FBXW4: variants seen among roughly 807,000 people sequenced by gnomAD.
FBXW4 encodes the protein F-box and WD repeat domain containing 4.
Under a neutral mutation model 61.8 loss-of-function variants are expected in FBXW4, and 40 were observed. That is an observed-to-expected ratio of 0.65 (90% CI 0.50 to 0.84). The LOEUF is 0.84. Among genes scored for constraint, FBXW4 ranks in the 40% least tolerant of loss-of-function variants. The pLI, the probability that FBXW4 is intolerant of heterozygous loss-of-function variation, is 0.00. For synonymous variants in FBXW4, 311 were observed against 313.8 expected, an observed-to-expected ratio of 0.99 and a Z score of 0.10; for missense variants, 672 against 753.8, an observed-to-expected ratio of 0.89 and a Z score of 1.27.
intron 1 of FBXW4, among the ~76,000 whole-genome samples, chr10:101,689,695 G>A (rs1382408935): frequency 6.6e-6 from 1 of 152,158 alleles, no homozygotes; most frequent in African/African-American, 2.4e-5. Context: ...TTCAGGGTTA[G>A]GAAACTGGTT....
intron 5 of FBXW4, among the ~76,000 whole-genome samples, chr10:101,638,278 G>A (rs1376466581): frequency 6.6e-6 from 1 of 152,188 alleles, no homozygotes; most frequent in Non-Finnish European, 1.5e-5. Context: ...CAGTCAAAAA[G>A]AACATGGTAG....
chr10:101,611,044 C>T lies in FBXW4; in HGVS notation c.*247G>A, dbSNP rs137888238. On this transcript the variant is annotated 3_prime_UTR_variant, in exon 9 of 9. Transcript: ENST00000331272. The surrounding 1 kb of genome is among the most constrained non-coding windows in gnomAD (Gnocchi z 4.9). Reference sequence around the variant, plus strand: ...TCTGGCCAAACAGGGACGCAAGGCCCGGGTTCAGCCGCACTCTAAAGCAGC... The same window carrying T: ...TCTGGCCAAACAGGGACGCAAGGCCTGGGTTCAGCCGCACTCTAAAGCAGC... The T allele has an allele frequency of 2.1e-4, 87 of 420,106 alleles. No homozygotes were observed. The highest frequency in any genetic ancestry group is 3.4e-4 in the Non-Finnish European group (79 of 232,562). The allele number at this position is 420,106 out of a possible 1,614,324, so 26.0% of individuals were successfully genotyped here.
rs774279870 is a variant in FBXW4, at chr10:101,612,350, G to A, written c.1429C>T (p.Arg477Cys). Residue 477 changes from arginine to cysteine, a missense_variant, in exon 7 of 9, where the codon CGC (arginine) becomes TGC (cysteine). Physicochemically the swap from Arg to Cys is radical, Grantham distance 180 (BLOSUM62 -3). Coordinates refer to ENST00000331272, the MANE Select transcript of FBXW4 (RefSeq NM_022039.4). ...CAGCACACTCACCGGACGCTGGTGC[G>A]GAGGTCCCAGTAGCGAACATAGGTG... ...YDTYVRYWDL[R>C]TSVRKCVMEW... 2.1e-5 allele frequency: 33 copies of A among 1,574,660 alleles called. No homozygotes were observed. The East Asian group carries it at 3.0e-4, about 15-fold the overall frequency.
chr10:101,615,960 CA>C (rs1040669880), intron 6 of FBXW4, among the ~76,000 whole-genome samples: 4 of 152,214 alleles, frequency 2.6e-5, no homozygotes, highest in African/African-American at 9.6e-5. Flanking sequence ...CTCCACCTCC[CA>C]ACCCACAGCT....
chr10:101,654,430 G>A (rs1394050340), intron 5 of FBXW4, among the ~76,000 whole-genome samples: 2 of 152,058 alleles, frequency 1.3e-5, no homozygotes, highest in Non-Finnish European at 2.9e-5. Context: ...GAAAGTAAAT[G>A]TAGGTCTATA....
intron 5 of FBXW4, among the ~76,000 whole-genome samples, chr10:101,651,637 C>T (rs1261379016): frequency 1.3e-5 from 2 of 152,072 alleles, no homozygotes; most frequent in Non-Finnish European, 2.9e-5. Context: ...GGGCTCCCAT[C>T]GGGGGTTGCT....
At chr10:101,686,938 T>G (rs998583442) in intron 1 of FBXW4, among the ~76,000 whole-genome samples, 1 of 152,124 alleles carries the variant, frequency 6.6e-6, no homozygotes, top group Admixed American at 6.5e-5. Flanking sequence ...TTGATTCAAC[T>G]TTTTGATGTA....
At chr10:101,638,449 A>G (rs2064022890) in intron 5 of FBXW4, among the ~76,000 whole-genome samples, 1 of 152,030 alleles carries the variant, frequency 6.6e-6, no homozygotes, top group Admixed American at 6.6e-5. Context: ...TATTTGCTTC[A>G]AATGAAAAGA....
At chr10:101,672,304 T>A (rs1327032843) in intron 4 of FBXW4, among the ~76,000 whole-genome samples, 1 of 152,186 alleles carries the variant, frequency 6.6e-6, no homozygotes, top group African/African-American at 2.4e-5. Context: ...GGAAGCCTAT[T>A]TGATCCAGAT....
chr10:101,690,440 A>G (rs909051065), intron 1 of FBXW4, among the ~76,000 whole-genome samples: 1 of 152,120 alleles, frequency 6.6e-6, no homozygotes, highest in African/African-American at 2.4e-5. Context: ...CAGATGACTG[A>G]CTCCAACTAT....
At chr10:101,613,316 A>G (rs1277133471) in intron 6 of FBXW4, among the ~76,000 whole-genome samples, 1 of 152,220 alleles carries the variant, frequency 6.6e-6, no homozygotes, top group Non-Finnish European at 1.5e-5. Context: ...CTCAACATCA[A>G]GTGCACCCGC....
rs768227529 is a variant in FBXW4, at chr10:101,694,596, A to AGCC, written c.507_509dup (p.Ala170dup). The AGCC allele has an allele frequency of 8.3e-5, 121 of 1,450,192 alleles. 1 individual carries two copies. The East Asian group carries it at 3.2e-3, about 38-fold the overall frequency. 89.8% of individuals were successfully genotyped at this position (1,450,192 alleles called of 1,614,324 possible). A position where few individuals can be genotyped will look rare whatever the true frequency, so the allele number is the denominator to read the frequency against. ...CGGCCGGGCGGGCAGCCGACTCCCG[A>AGCC]GCCGCCTCCTCCTCCTCCTCCTCCT... On this transcript the variant is annotated inframe_insertion, in exon 1 of 9. Coordinates refer to ENST00000331272, the MANE Select transcript of FBXW4 (RefSeq NM_022039.4). The surrounding 1 kb of genome is among the most constrained non-coding windows in gnomAD (Gnocchi z 6.0).
In FBXW4 at chr10:101,694,339, GC is replaced by G; in HGVS notation, c.725+41del. The G allele has an allele frequency of 1.5e-6, 2 of 1,342,320 alleles. No individual in the cohort carries two copies. The highest frequency in any genetic ancestry group is 2.8e-4 in the Middle Eastern group (1 of 3,598). 83.2% of individuals were successfully genotyped at this position (1,342,320 alleles called of 1,614,324 possible). A position where few individuals can be genotyped will look rare whatever the true frequency, so the allele number is the denominator to read the frequency against. ...GCCCCGCCCTTTCCCGGGACGCGGG[GC>G]CGGCTCGGGGCGGGGAGCGGGCGGG... is the stretch of plus-strand genomic sequence containing the variant. On this transcript the variant is annotated intron_variant, in intron 1 of 8. Coordinates refer to ENST00000331272, the MANE Select transcript of FBXW4 (RefSeq NM_022039.4). This position sits in a 1 kb window ranked among gnomAD's most constrained non-coding sequence, Gnocchi z 6.0.
rs1382959940 is a variant in FBXW4, at chr10:101,694,483, T to C, written c.623A>G (p.Gln208Arg). 2 of 1,529,244 alleles carry C rather than the reference T, an allele frequency of 1.3e-6. No individual in the cohort carries two copies. Among genetic ancestry groups the C allele is most frequent in the African/African-American group, 2.9e-5 (2 of 69,914 alleles). The allele number at this position is 1,529,244 out of a possible 1,614,324, so 94.7% of individuals were successfully genotyped here. ...LDMRALGRLA[Q>R]VCRWLRRFTS... ...GAAGCGCCGCAGCCAGCGGCACACC[T>C]GGGCCAGGCGGCCGAGGGCCCGCAT... The change falls in exon 1 of 9, where the codon CAG (glutamine) becomes CGG (arginine). Residue 208 changes from glutamine to arginine, a missense_variant. Transcript: ENST00000331272. The surrounding 1 kb of genome is among the most constrained non-coding windows in gnomAD (Gnocchi z 6.0).
At chr10:101,646,481 A>T (rs941803718) in intron 5 of FBXW4, among the ~76,000 whole-genome samples, 1 of 152,144 alleles carries the variant, frequency 6.6e-6, no homozygotes, top group Non-Finnish European at 1.5e-5. Context: ...CTCAGAGGAG[A>T]TCCCTGGGCT....
chr10:101,641,975 T>C (rs1352977009), intron 5 of FBXW4, among the ~76,000 whole-genome samples: 2 of 151,890 alleles, frequency 1.3e-5, no homozygotes, highest in Admixed American at 6.6e-5. Context: ...GAGACCAGCC[T>C]TATCAACATG....
chr10:101,635,842 G>GAAA (rs764437277), intron 5 of FBXW4, among the ~76,000 whole-genome samples: 5 of 121,076 alleles, frequency 4.1e-5, no homozygotes, highest in African/African-American at 1.6e-4. Flanking sequence ...CCCGGTCTCA[G>GAAA]AAAAAAAAAA....
At chr10:101,662,676 T>G (rs1303669670) in intron 5 of FBXW4, among the ~76,000 whole-genome samples, 1 of 151,918 alleles carries the variant, frequency 6.6e-6, no homozygotes, top group Non-Finnish European at 1.5e-5. Flanking sequence ...GCTAAGCACC[T>G]TTTTTTTCTT....
chr10:101,672,405 C>G (rs1271490732), intron 4 of FBXW4, among the ~76,000 whole-genome samples: 1 of 152,136 alleles, frequency 6.6e-6, no homozygotes, highest in Non-Finnish European at 1.5e-5. Context: ...GGCAATTTGG[C>G]AAAGATGCAA....
Sources: gnomAD v4.1 joint callset for allele counts (sites outside exome capture counted in the v4.1 genomes callset) on GRCh38, gnomAD v4.1.1 for gene constraint, Gnocchi (gnomAD v3.1) non-coding constraint, MANE v1.5 for transcripts, NCBI Gene and HGNC (gene_info 2026-07-23, HGNC 2026-07-21) for gene names.